KCNQ5: variants seen among roughly 807,000 people sequenced by gnomAD.
KCNQ5 encodes potassium voltage-gated channel subfamily KQT member 5.
In KCNQ5, 30 loss-of-function variants were observed where a neutral mutation model predicts 98.2. The ratio of observed to expected loss-of-function variants is 0.31; its 90% CI spans 0.23 to 0.41. The LOEUF (loss-of-function observed/expected upper bound fraction) is 0.41. Ranked by LOEUF, KCNQ5 falls within the 10% of genes least tolerant of loss-of-function variation. KCNQ5 has a pLI of 1.00. For missense variants in KCNQ5, 835 were observed against 1,182.5 expected (o/e 0.71, Z 4.31); for synonymous variants, 458 against 449.4 (o/e 1.02, Z -0.24).
At chr6:73,011,063 A>C (rs1028886239) in intron 2 of KCNQ5, among the ~76,000 whole-genome samples, 1 of 152,082 alleles carries the variant, frequency 6.6e-6, no homozygotes, top group African/African-American at 2.4e-5. Flanking sequence ...TGCCCAAACT[A>C]TTTTGAAAGT....
intron 1 of KCNQ5, among the ~76,000 whole-genome samples, chr6:72,627,145 A>C (rs2098918371): frequency 1.3e-5 from 2 of 152,238 alleles, no homozygotes; most frequent in South Asian, 4.1e-4. Context: ...CACTCAATAA[A>C]ATATTTTTGA....
chr6:73,037,307 G>T (rs571790553), intron 2 of KCNQ5, among the ~76,000 whole-genome samples: 14 of 152,180 alleles, frequency 9.2e-5, no homozygotes, highest in African/African-American at 3.4e-4. Context: ...TTTTCTCCCA[G>T]TCTATGGCTT....
chr6:72,898,131 G>A (rs1408649589), intron 1 of KCNQ5, among the ~76,000 whole-genome samples: 1 of 152,098 alleles, frequency 6.6e-6, no homozygotes, highest in Non-Finnish European at 1.5e-5. Context: ...GTATACATGA[G>A]GGGGAAACGT....
At chr6:72,928,539 C>A (rs4374796) in intron 1 of KCNQ5, among the ~76,000 whole-genome samples, 94,619 of 151,814 alleles carry the variant, frequency 0.62, 30,050 homozygotes, top group East Asian at 0.79. Context: ...ACTTAAATTA[C>A]TTTTAGTATG....
At chr6:73,037,040 T>C (rs1243006891) in intron 2 of KCNQ5, among the ~76,000 whole-genome samples, 2 of 152,230 alleles carry the variant, frequency 1.3e-5, no homozygotes, top group African/African-American at 4.8e-5. Context: ...TTTTTTATTT[T>C]AGCCATTCTG....
intron 1 of KCNQ5, among the ~76,000 whole-genome samples, chr6:72,765,096 C>G (rs1772495025): frequency 6.6e-6 from 1 of 152,062 alleles, no homozygotes; most frequent in Admixed American, 6.6e-5. Flanking sequence ...ATGCAGATAT[C>G]TCTTCAATAT....
intron 1 of KCNQ5, among the ~76,000 whole-genome samples, chr6:72,626,236 C>T (rs1448188428): frequency 6.6e-6 from 1 of 152,090 alleles, no homozygotes; most frequent in African/African-American, 2.4e-5. Context: ...GAAGTGAAGC[C>T]CGGGCAGAAA....
intron 3 of KCNQ5, among the ~76,000 whole-genome samples, chr6:73,072,904 T>C (rs1394944304): frequency 6.6e-6 from 1 of 152,190 alleles, no homozygotes; most frequent in Non-Finnish European, 1.5e-5. Flanking sequence ...TGCTTTTTTT[T>C]TTATTCATGT....
chr6:72,921,999 G>T (rs1436931776), intron 1 of KCNQ5, among the ~76,000 whole-genome samples: 1 of 152,182 alleles, frequency 6.6e-6, no homozygotes, highest in Non-Finnish European at 1.5e-5. Flanking sequence ...AAGGTTGTGG[G>T]TGGGAGAGAA....
chr6:73,055,497 G>C, intron 3 of KCNQ5: 1 of 1,549,088 alleles, frequency 6.5e-7, no homozygotes, highest in South Asian at 1.1e-5. Flanking sequence ...AGCAACATCA[G>C]TAAGGATCAC....
chr6:72,647,284 C>G (rs1310799757), intron 1 of KCNQ5, among the ~76,000 whole-genome samples: 3 of 151,964 alleles, frequency 2.0e-5, no homozygotes, highest in Non-Finnish European at 2.9e-5. Flanking sequence ...CATGGTGAGT[C>G]AATCATCAGT....
chr6:72,834,220 TAAAAA>T (rs561781599), intron 1 of KCNQ5, among the ~76,000 whole-genome samples: 27 of 151,760 alleles, frequency 1.8e-4, no homozygotes, highest in South Asian at 1.7e-3. Context: ...TTTTAAGACT[TAAAAA>T]AGAAAAAAAA....
At chr6:73,146,684 G>C (rs1344655514) in intron 10 of KCNQ5, among the ~76,000 whole-genome samples, 1 of 142,144 alleles carries the variant, frequency 7.0e-6, no homozygotes, top group Admixed American at 7.0e-5. Flanking sequence ...AGTTTGACTA[G>C]TTCAATTATA....
chr6:72,973,236 T>A (rs989285376), intron 1 of KCNQ5, among the ~76,000 whole-genome samples: 1 of 152,160 alleles, frequency 6.6e-6, no homozygotes, highest in Admixed American at 6.5e-5. Flanking sequence ...TGTTTTACCA[T>A]TAGTAAAAAG....
At chr6:73,053,473 T>C (rs967566678) in intron 3 of KCNQ5, among the ~76,000 whole-genome samples, 1 of 151,982 alleles carries the variant, frequency 6.6e-6, no homozygotes, top group African/African-American at 2.4e-5. Context: ...TGGCCCATAA[T>C]CTAAAATTGA....
At chr6:73,127,358 C>T (rs1423147542) in intron 9 of KCNQ5, among the ~76,000 whole-genome samples, 1 of 152,182 alleles carries the variant, frequency 6.6e-6, no homozygotes, top group Non-Finnish European at 1.5e-5. Flanking sequence ...CAAGCTTCAG[C>T]CCAAGCAGGA....
Position 73,197,478 on chromosome 6 carries a change from T to C in KCNQ5, c.*2064T>C, listed in dbSNP as rs953208909. 5 of 152,074 alleles carry C rather than the reference T, an allele frequency of 3.3e-5. No individual in the cohort carries two copies. Among genetic ancestry groups the C allele is most frequent in the Non-Finnish European group, 5.9e-5 (4 of 68,018 alleles). 9.4% of individuals were successfully genotyped at this position (152,074 alleles called of 1,614,324 possible). On this transcript the variant is annotated 3_prime_UTR_variant, in exon 14 of 14. Transcript: ENST00000370398. ...AGACATTGTCAATCCTTTTAAGCAA[T>C]TGTTTTCATTTTCAAAATACAGAAT...
intron 1 of KCNQ5, among the ~76,000 whole-genome samples, chr6:72,702,751 T>A (rs1450924913): frequency 6.6e-6 from 1 of 152,158 alleles, no homozygotes; most frequent in Non-Finnish European, 1.5e-5. Context: ...GCAATTGATT[T>A]AAAAAAATGG....
chr6:72,731,532 C>G (rs1157441436), intron 1 of KCNQ5, among the ~76,000 whole-genome samples: 1 of 152,146 alleles, frequency 6.6e-6, no homozygotes, highest in Non-Finnish European at 1.5e-5. Context: ...TCCCTCATTA[C>G]TATGTTTAGT....
Sources: gnomAD v4.1 joint callset for allele counts (sites outside exome capture counted in the v4.1 genomes callset) on GRCh38, gnomAD v4.1.1 for gene constraint, MANE v1.5 for transcripts, NCBI Gene and HGNC (gene_info 2026-07-23, HGNC 2026-07-21) for gene names.